Variants in TENM1 observed in about 807,000 individuals in gnomAD.
TENM1 encodes teneurin transmembrane protein 1.
In TENM1, 35 loss-of-function variants were observed where a neutral mutation model predicts 174.8. That is an observed-to-expected ratio of 0.20 (90% CI 0.15 to 0.27). The LOEUF (loss-of-function observed/expected upper bound fraction) is 0.27, where lower values mean the gene tolerates loss of function less well. TENM1 is among the 10% of genes least tolerant of loss of function. TENM1 has a pLI of 1.00. For synonymous variants in TENM1, 781 were observed against 798.7 expected (o/e 0.98, Z 0.37); for missense variants, 1,633 against 2,130.1 (o/e 0.77, Z 4.59).
chrX:124,533,025 G>A (rs1335787396), intron 15 of TENM1, among the ~76,000 whole-genome samples: 1 of 112,056 alleles, frequency 8.9e-6, no homozygotes, highest in Non-Finnish European at 1.9e-5. Context: ...GACACTGCAT[G>A]CAGAAATTTA....
At chrX:124,597,709 C>T (rs2049932520) in intron 11 of TENM1, among the ~76,000 whole-genome samples, 1 of 111,293 alleles carries the variant, frequency 9.0e-6, no homozygotes, top group African/African-American at 3.3e-5. Context: ...CCCTATCTCT[C>T]ACCATGTACA....
Position 124,796,337 on chromosome X carries a change from A to G in TENM1, c.536-59140T>C, listed in dbSNP as rs758951332. ...ATCAGATTAAATATTAATTTGAAGT[A>G]CATCTGTGCTTATTCAGTTCAGCAG... On this transcript the variant is annotated intron_variant, in intron 3 of 31. Coordinates refer to ENST00000422452, the Ensembl canonical transcript of TENM1. Among the ~76,000 whole-genome samples the G allele has an allele frequency of 3.6e-5, 4 of 111,958 alleles. No homozygotes were observed. In the East Asian group the frequency reaches 1.1e-3, roughly 31 times the overall value.
At chrX:124,426,166 C>T (rs927765473) in intron 23 of TENM1, among the ~76,000 whole-genome samples, 2 of 110,891 alleles carry the variant, frequency 1.8e-5, no homozygotes, top group Non-Finnish European at 3.8e-5. Flanking sequence ...CCTGACATCT[C>T]CTTGACAGTA....
chrX:124,665,445 T>TGC (rs1163394948), intron 6 of TENM1, among the ~76,000 whole-genome samples: 1 of 112,165 alleles, frequency 8.9e-6, no homozygotes, highest in African/African-American at 3.3e-5. Context: ...GCAAGCTGTG[T>TGC]TATATACATG....
At chrX:125,119,996 C>T in the TENM1 span, among the ~76,000 whole-genome samples, 4 of 111,265 alleles carry the variant, frequency 3.6e-5, no homozygotes, top group African/African-American at 1.3e-4. Context: ...CAACACTCTT[C>T]CTCTCTAGAA....
At chrX:124,900,829 T>C (rs1236972114) in intron 1 of TENM1, among the ~76,000 whole-genome samples, 1 of 106,876 alleles carries the variant, frequency 9.4e-6, no homozygotes, top group Non-Finnish European at 1.9e-5. Context: ...TTTGCTCTTG[T>C]TGTTCAGGCT....
chrX:124,768,038 T>A (rs1429672932), intron 3 of TENM1, among the ~76,000 whole-genome samples: 1 of 111,733 alleles, frequency 8.9e-6, no homozygotes, highest in Non-Finnish European at 1.9e-5. Flanking sequence ...TTAAAAATTG[T>A]TGCTCTGAAA....
intron 25 of TENM1, 106 bp downstream of exon 28, chrX:124,420,205 G>C: frequency 1.1e-6 from 1 of 902,396 alleles, no homozygotes; most frequent in South Asian, 2.7e-5. Flanking sequence ...GTGGTTGTTA[G>C]GAGAAAACAG....
intron 22 of TENM1, among the ~76,000 whole-genome samples, chrX:124,471,209 CTA>C (rs1279428860): frequency 2.6e-5 from 1 of 38,460 alleles, no homozygotes; most frequent in Non-Finnish European, 4.7e-5. Flanking sequence ...ATATATAGTA[CTA>C]TATATTATAA....
chrX:124,448,878 G>C (rs768285100), intron 23 of TENM1, among the ~76,000 whole-genome samples: 14 of 112,027 alleles, frequency 1.2e-4, no homozygotes, highest in Non-Finnish European at 2.6e-4. Flanking sequence ...TGAGGTGTGA[G>C]GAGGATGGAG....
chrX:125,162,349 G>GA, the TENM1 span, among the ~76,000 whole-genome samples: 1 of 112,197 alleles, frequency 8.9e-6, no homozygotes, highest in Non-Finnish European at 1.9e-5. Context: ...GTGTGACACA[G>GA]AATGTATCTC....
intron 11 of TENM1, among the ~76,000 whole-genome samples, chrX:124,568,790 C>T (rs1279095788): frequency 3.6e-5 from 4 of 111,393 alleles, no homozygotes; most frequent in Non-Finnish European, 7.5e-5. Context: ...TTTATGGATG[C>T]TTTTCCTATA....
chrX:124,602,426 C>T (rs1009247805), intron 11 of TENM1, among the ~76,000 whole-genome samples: 7 of 110,818 alleles, frequency 6.3e-5, no homozygotes, highest in African/African-American at 2.3e-4. Flanking sequence ...TATTATCTTC[C>T]TCACCAGAGT....
intron 3 of TENM1, among the ~76,000 whole-genome samples, chrX:124,786,261 A>G (rs1021051857): frequency 8.9e-6 from 1 of 111,808 alleles, no homozygotes; most frequent in Admixed American, 9.5e-5. Context: ...TGCTTCTGCC[A>G]TTCAGTTTTC....
chrX:124,535,868 C>T, intron 15 of TENM1, among the ~76,000 whole-genome samples: 1 of 112,119 alleles, frequency 8.9e-6, no homozygotes, highest in Non-Finnish European at 1.9e-5. Flanking sequence ...GCTTCAGTGA[C>T]TACGTTGAGA....
chrX:124,898,624 T>C (rs2057603986), intron 1 of TENM1, among the ~76,000 whole-genome samples: 1 of 110,498 alleles, frequency 9.0e-6, no homozygotes, highest in Non-Finnish European at 1.9e-5. Context: ...CAAATAAAAA[T>C]AAATGTAGGT....
chrX:124,530,394 A>G (rs558818677), intron 15 of TENM1, among the ~76,000 whole-genome samples: 2 of 110,384 alleles, frequency 1.8e-5, no homozygotes, highest in African/African-American at 6.6e-5. Context: ...AGAGAGTCCT[A>G]GTTGTGGAAT....
At chrX:125,063,444 T>C in the TENM1 span, among the ~76,000 whole-genome samples, 3 of 111,276 alleles carry the variant, frequency 2.7e-5, no homozygotes, top group Non-Finnish European at 5.7e-5. Flanking sequence ...GAATCTACAA[T>C]GACTCAAACA....
intron 25 of TENM1, among the ~76,000 whole-genome samples, chrX:124,410,006 T>G (rs1460642554): frequency 9.2e-6 from 1 of 109,166 alleles, no homozygotes; most frequent in South Asian, 3.9e-4. Context: ...CTTCACAGAA[T>G]TGGAAAAAAC....
Sources: allele counts gnomAD v4.1 joint callset (sites outside exome capture counted in the v4.1 genomes callset), GRCh38; gene constraint gnomAD v4.1.1; transcripts MANE v1.5; gene names NCBI Gene and HGNC (gene_info 2026-07-23, HGNC 2026-07-21).